ITIH5: variants seen among roughly 807,000 people sequenced by gnomAD.
ITIH5 encodes the protein inter-alpha-trypsin inhibitor heavy chain H5.
ITIH5 carries 65 observed loss-of-function variants against 77.5 expected under a neutral mutation model. That is an observed-to-expected ratio of 0.84 (90% CI 0.69 to 1.03). ITIH5 has a LOEUF of 1.03. Among genes scored for constraint, ITIH5 ranks in the 50% least tolerant of loss-of-function variants. The pLI is 0.00. For synonymous variants in ITIH5, 525 were observed against 494.3 expected (o/e 1.06, Z -0.82); for missense variants, 1,208 against 1,213.1 (o/e 1.00, Z 0.06).
intron 7 of ITIH5, among the ~76,000 whole-genome samples, chr10:7,613,669 G>A (rs186275363): frequency 1.2e-4 from 18 of 152,258 alleles, no homozygotes; most frequent in African/African-American, 4.3e-4. Context: ...AAACAAAACA[G>A]TGAGAAAAAA....
intron 5 of ITIH5, among the ~76,000 whole-genome samples, chr10:7,624,590 G>A (rs1458691048): frequency 2.0e-5 from 3 of 151,218 alleles, no homozygotes; most frequent in African/African-American, 7.3e-5. Context: ...GGCCAAGGGG[G>A]GCAGATCACC....
At position 7,569,708 on chromosome 10, in the gene ITIH5, G is replaced by C; in HGVS notation, c.2109C>G (p.Pro703=). ...CAGAGACCAGCCTGAGGATGTCCCC[G>C]GGCTGCCCATCAATGTTGAAGCACA... ...LTVCFNIDGQ[P]GDILRLVSDH... Residue 703 remains proline (P), a synonymous_variant, in exon 12 of 14, where the codon CCC becomes CCG. Transcript: ENST00000397146. 1.9e-6 allele frequency: 3 copies of C among 1,612,788 alleles called. No homozygotes were observed. The highest frequency in any genetic ancestry group is 2.5e-6 in the Non-Finnish European group (3 of 1,179,502).
Position 7,582,201 on chromosome 10 carries a change from T to C in ITIH5, c.1109-2137A>G, listed in dbSNP as rs1187304028. 2.0e-5 allele frequency among the ~76,000 whole-genome samples: 3 copies of C among 152,174 alleles called. No homozygotes were observed. In the East Asian group the frequency reaches 5.8e-4, roughly 29 times the overall value. On this transcript the variant is annotated intron_variant, in intron 8 of 13. Transcript: ENST00000397146. ...ATGTATTCTTAAATTTACTACTTTATGATTAAAATAAATCAGACAATTTAA... is the reference window on the plus strand; with the variant it reads ...ATGTATTCTTAAATTTACTACTTTACGATTAAAATAAATCAGACAATTTAA...
At chr10:7,570,046 T>C in intron 11 of ITIH5, 1 of 316,544 alleles carries the variant, frequency 3.2e-6, no homozygotes, top group Non-Finnish European at 5.8e-6. Context: ...ACACCTCAGC[T>C]CAGTCTAGAC....
chr10:7,661,961 C>T (rs1226559653), intron 1 of ITIH5, among the ~76,000 whole-genome samples: 1 of 152,188 alleles, frequency 6.6e-6, no homozygotes, highest in Non-Finnish European at 1.5e-5. Flanking sequence ...CTCAGCCTCC[C>T]AAACTGCTGG....
At chr10:7,605,538 A>G (rs5782988) in intron 7 of ITIH5, among the ~76,000 whole-genome samples, 42 of 42,174 alleles carry the variant, frequency 1.0e-3, no homozygotes, top group Admixed American at 3.6e-3. Context: ...CTAGCACCCC[A>G]CCCCCAACAG....
chr10:7,657,041 CTTT>C (rs56737624), intron 1 of ITIH5, among the ~76,000 whole-genome samples: 56 of 99,860 alleles, frequency 5.6e-4, no homozygotes, highest in African/African-American at 2.2e-3. Flanking sequence ...CGCGTTCGGC[CTTT>C]TTTTTTTTTT....
intron 7 of ITIH5, among the ~76,000 whole-genome samples, chr10:7,611,829 A>G (rs1833250625): frequency 5.3e-5 from 8 of 151,692 alleles, no homozygotes; most frequent in Admixed American, 5.3e-4. Flanking sequence ...CTTTGTAATT[A>G]CTTTTAGGCT....
At chr10:7,653,665 A>G (rs1009028144) in intron 2 of ITIH5, among the ~76,000 whole-genome samples, 1 of 152,234 alleles carries the variant, frequency 6.6e-6, no homozygotes, top group African/African-American at 2.4e-5. Context: ...TTAGTAAATT[A>G]TAATACATAT....
At position 7,562,847 on chromosome 10, in the gene ITIH5, TG is replaced by T; in HGVS notation, c.*235del. The T allele has an allele frequency of 1.7e-6, 1 of 581,472 alleles. No homozygotes were observed. The highest frequency in any genetic ancestry group is 3.1e-6 in the Non-Finnish European group (1 of 323,168). The allele number at this position is 581,472 out of a possible 1,614,324, so 36.0% of individuals were successfully genotyped here. ...CTCCCCTCTGTGGATGTGGGCAGGG[TG>T]GGGAGAGGCAGGAAGAGGCAGTAGA... On this transcript the variant is annotated 3_prime_UTR_variant, in exon 14 of 14. Coordinates refer to ENST00000397146, the MANE Select transcript of ITIH5 (RefSeq NM_030569.7).
chr10:7,583,135 AAAAATT>A (rs1832601728), intron 8 of ITIH5, among the ~76,000 whole-genome samples: 1 of 152,182 alleles, frequency 6.6e-6, no homozygotes, highest in Non-Finnish European at 1.5e-5. Context: ...CACAAAAATT[AAAAATT>A]AAAATTAAAA....
At chr10:7,580,836 T>C (rs1173350497) in intron 8 of ITIH5, among the ~76,000 whole-genome samples, 4 of 152,184 alleles carry the variant, frequency 2.6e-5, no homozygotes, top group African/African-American at 9.6e-5. Flanking sequence ...TCGTCTCTCC[T>C]TTCTTTGCTT....
chr10:7,570,983 T>C (rs956186626), intron 11 of ITIH5, among the ~76,000 whole-genome samples: 4 of 152,154 alleles, frequency 2.6e-5, no homozygotes, highest in African/African-American at 4.8e-5. Context: ...GCATGCACGC[T>C]GTGCACGGTG....
intron 5 of ITIH5, chr10:7,620,473 T>C (rs1398275176): frequency 6.6e-6 from 1 of 152,164 alleles, no homozygotes; most frequent in Non-Finnish European, 1.5e-5. Context: ...CGTGGTAATT[T>C]TGAGGAAGGG....
intron 2 of ITIH5, among the ~76,000 whole-genome samples, chr10:7,651,943 T>C (rs1232892140): frequency 6.6e-6 from 1 of 152,192 alleles, no homozygotes; most frequent in Non-Finnish European, 1.5e-5. Context: ...GTCATTTCTC[T>C]GTCTGTGTAT....
intron 9 of ITIH5, among the ~76,000 whole-genome samples, chr10:7,579,067 C>G (rs748658224): frequency 4.6e-5 from 7 of 152,226 alleles, no homozygotes; most frequent in African/African-American, 9.6e-5. Flanking sequence ...TTTGAAATAT[C>G]AGGATGTCAA....
At chr10:7,611,280 T>A (rs987161476) in intron 7 of ITIH5, among the ~76,000 whole-genome samples, 1 of 152,280 alleles carries the variant, frequency 6.6e-6, no homozygotes, top group Non-Finnish European at 1.5e-5. Context: ...GATTCTTGCA[T>A]TAAATCATTC....
intron 5 of ITIH5, among the ~76,000 whole-genome samples, chr10:7,635,318 C>T (rs541996218): frequency 6.6e-6 from 1 of 152,350 alleles, no homozygotes; most frequent in African/African-American, 2.4e-5. Flanking sequence ...TACATGAGCA[C>T]TTCACAATGA....
chr10:7,593,833 G>A (rs1003249777), intron 7 of ITIH5, among the ~76,000 whole-genome samples: 1 of 152,122 alleles, frequency 6.6e-6, no homozygotes, highest in South Asian at 2.1e-4. Flanking sequence ...ATTCACCCCT[G>A]CAGACTGCAG....
Sources: allele counts gnomAD v4.1 joint callset (sites outside exome capture counted in the v4.1 genomes callset), GRCh38; gene constraint gnomAD v4.1.1; transcripts MANE v1.5; gene names NCBI Gene and HGNC (gene_info 2026-07-23, HGNC 2026-07-21).